Variants in NDUFS4 observed in about 807,000 individuals in gnomAD.
The protein encoded by NDUFS4 is NADH:ubiquinone oxidoreductase subunit S4.
A neutral mutation model predicts 24.3 loss-of-function variants in NDUFS4; 28 were observed. That is an observed-to-expected ratio of 1.15 (90% CI 0.85 to 1.58). The LOEUF is 1.58. Among genes scored for constraint, NDUFS4 ranks in the 40% most tolerant of loss-of-function variants. The probability of loss-of-function intolerance (pLI) is 0.00; values close to 1 mark genes in which losing one functional copy is unlikely to be tolerated. For synonymous variants in NDUFS4, 93 were observed against 69.7 expected, an observed-to-expected ratio of 1.34 and a Z score of -1.67; for missense variants, 223 against 207.9, an observed-to-expected ratio of 1.07 and a Z score of -0.45.
intron 2 of NDUFS4, among the ~76,000 whole-genome samples, chr5:53,645,962 A>T (rs1751848272): frequency 6.6e-6 from 1 of 152,192 alleles, no homozygotes; most frequent in Non-Finnish European, 1.5e-5. Flanking sequence ...TCTTCAGAAA[A>T]TACCAATGCT....
chr5:53,580,611 C>T (rs1749528589), intron 1 of NDUFS4, among the ~76,000 whole-genome samples: 1 of 152,164 alleles, frequency 6.6e-6, no homozygotes, highest in African/African-American at 2.4e-5. Flanking sequence ...AACAATGTTA[C>T]GATGATGACT....
chr5:53,630,154 G>A (rs958854836), intron 2 of NDUFS4, among the ~76,000 whole-genome samples: 1 of 152,058 alleles, frequency 6.6e-6, no homozygotes, highest in Non-Finnish European at 1.5e-5. Context: ...AATTTGGCTG[G>A]GTATGAAATT....
At chr5:53,671,554 TGTAAAGA>T (rs1055566973) in intron 4 of NDUFS4, among the ~76,000 whole-genome samples, 1 of 152,192 alleles carries the variant, frequency 6.6e-6, no homozygotes, top group African/African-American at 2.4e-5. Context: ...AACGTTTCTT[TGTAAAGA>T]GACGAATATC....
chr5:53,590,236 G>A (rs542543277), intron 1 of NDUFS4, among the ~76,000 whole-genome samples: 2 of 152,252 alleles, frequency 1.3e-5, no homozygotes, highest in South Asian at 4.2e-4. Context: ...GGAGTAAACT[G>A]GTTAATTGGA....
chr5:53,652,471 G>A lies in NDUFS4; in HGVS notation c.350+6066G>A, dbSNP rs372314930. ...CCATATGTTTTCCTCAGTGGGGATT[G>A]AGGGGAAGGATCCTCATTGTGAAAA... On this transcript the variant is annotated intron_variant, in intron 3 of 4. Coordinates refer to ENST00000296684, the MANE Select transcript of NDUFS4 (RefSeq NM_002495.4). Among the ~76,000 whole-genome samples the A allele has an allele frequency of 3.9e-5, 6 of 152,234 alleles. No individual in the cohort carries two copies. In the South Asian group the frequency reaches 1.0e-3, roughly 26 times the overall value.
intron 4 of NDUFS4, among the ~76,000 whole-genome samples, chr5:53,671,076 G>T (rs1740210930): frequency 6.6e-6 from 1 of 151,786 alleles, no homozygotes; most frequent in Non-Finnish European, 1.5e-5. Flanking sequence ...ATAATAGGGA[G>T]GGATAATAGT....
intron 1 of NDUFS4, among the ~76,000 whole-genome samples, chr5:53,590,800 AT>A (rs1749928852): frequency 1.3e-5 from 2 of 152,174 alleles, no homozygotes; most frequent in Admixed American, 1.3e-4. Context: ...GAAATTTACC[AT>A]TTTAACTATT....
At chr5:53,671,496 C>G (rs1740240618) in intron 4 of NDUFS4, among the ~76,000 whole-genome samples, 1 of 152,142 alleles carries the variant, frequency 6.6e-6, no homozygotes, top group Non-Finnish European at 1.5e-5. Flanking sequence ...GGGCCTCATC[C>G]TAAACATCTT....
chr5:53,584,501 G>A (rs868169296), intron 1 of NDUFS4, among the ~76,000 whole-genome samples: 1 of 151,568 alleles, frequency 6.6e-6, no homozygotes, highest in African/African-American at 2.4e-5. Context: ...CACCATGCCC[G>A]GCTAATTTTT....
chr5:53,565,191 T>C (rs896176148), intron 1 of NDUFS4, among the ~76,000 whole-genome samples: 2 of 152,240 alleles, frequency 1.3e-5, no homozygotes, highest in East Asian at 3.8e-4. Context: ...ACATCTTGGA[T>C]TGTAGACTAC....
chr5:53,676,107 T>C (rs938140192), intron 4 of NDUFS4, among the ~76,000 whole-genome samples: 1 of 152,224 alleles, frequency 6.6e-6, no homozygotes, highest in Admixed American at 6.5e-5. Context: ...GCAAATGTTA[T>C]AACCAGTTCA....
chr5:53,669,495 C>T (rs890773924), intron 4 of NDUFS4, among the ~76,000 whole-genome samples: 2 of 152,102 alleles, frequency 1.3e-5, no homozygotes, highest in African/African-American at 4.8e-5. Flanking sequence ...TTTCTTATTC[C>T]CCTCCTTCAC....
intron 4 of NDUFS4, among the ~76,000 whole-genome samples, chr5:53,673,082 A>G (rs1740335924): frequency 6.6e-6 from 1 of 152,178 alleles, no homozygotes; most frequent in African/African-American, 2.4e-5. Context: ...TCAGGTAAAT[A>G]GAACACATCT....
chr5:53,635,731 A>G (rs1579903469), intron 2 of NDUFS4, among the ~76,000 whole-genome samples: 1 of 152,190 alleles, frequency 6.6e-6, no homozygotes, highest in South Asian at 2.1e-4. Flanking sequence ...TTCGTTAAGC[A>G]TATTTTTCAA....
At chr5:53,580,431 T>C (rs1260210809) in intron 1 of NDUFS4, among the ~76,000 whole-genome samples, 2 of 152,210 alleles carry the variant, frequency 1.3e-5, no homozygotes, top group Admixed American at 6.5e-5. Flanking sequence ...AATTAGAATT[T>C]CCAAAGATGA....
chr5:53,627,867 C>G (rs1336602451), intron 2 of NDUFS4, among the ~76,000 whole-genome samples: 1 of 152,130 alleles, frequency 6.6e-6, no homozygotes, highest in Non-Finnish European at 1.5e-5. Context: ...ATTGAATACC[C>G]TTTATTTCTT....
intron 2 of NDUFS4, among the ~76,000 whole-genome samples, chr5:53,613,072 A>G (rs1750745984): frequency 6.6e-6 from 1 of 152,110 alleles, no homozygotes; most frequent in South Asian, 2.1e-4. Flanking sequence ...TTAAAGGCTT[A>G]CTTTTGCTTT....
In NDUFS4 at chr5:53,643,900, A is replaced by G. The variant is rs1047384405; in HGVS notation, c.178-2333A>G. Among the ~76,000 whole-genome samples, 24 of 152,168 alleles carry G rather than the reference A, an allele frequency of 1.6e-4. No individual in the cohort carries two copies. The South Asian group carries it at 1.9e-3, about 12-fold the overall frequency. On this transcript the variant is annotated intron_variant, in intron 2 of 4. Transcript: ENST00000296684. ...CAGAAACCCACTTGTTCAAATGCCAACTTTAAATTAGGGTAAGATACCAAT... is the reference window on the plus strand; with the variant it reads ...CAGAAACCCACTTGTTCAAATGCCAGCTTTAAATTAGGGTAAGATACCAAT...
chr5:53,600,034 T>A (rs1750261505), intron 1 of NDUFS4, among the ~76,000 whole-genome samples: 1 of 152,112 alleles, frequency 6.6e-6, no homozygotes. Context: ...GTTTCATTCT[T>A]TGTTGCCCAG....
Sources: allele counts gnomAD v4.1 joint callset (sites outside exome capture counted in the v4.1 genomes callset), GRCh38; gene constraint gnomAD v4.1.1; transcripts MANE v1.5; gene names NCBI Gene and HGNC (gene_info 2026-07-23, HGNC 2026-07-21).